The following SLC9B2 variants were observed in gnomAD, a reference collection of about 807,000 sequenced individuals.
SLC9B2 encodes the protein solute carrier family 9 member B2.
In SLC9B2, 39 loss-of-function variants were observed where a neutral mutation model predicts 52.2. That is an observed-to-expected ratio of 0.75 (90% confidence interval 0.58 to 0.98). SLC9B2 has a LOEUF of 0.98. SLC9B2 is among the 50% of genes least tolerant of loss of function. SLC9B2 has a pLI of 0.00. For synonymous variants in SLC9B2, 214 were observed against 227.0 expected (o/e 0.94, Z 0.51); for missense variants, 626 against 637.5 (o/e 0.98, Z 0.19).
downstream of SLC9B2, chr4:103,019,528 AAC>A (rs1741634529): frequency 1.0e-5 from 10 of 968,150 alleles, no homozygotes; most frequent in Non-Finnish European, 1.2e-5. Context: ...ACCGCAAGGA[AAC>A]GATCGCGGCA....
chr4:103,066,144 T>C (rs1289380345), intron 3 of SLC9B2, among the ~76,000 whole-genome samples, 183 bp downstream of exon 3: 1 of 152,214 alleles, frequency 6.6e-6, no homozygotes, highest in African/African-American at 2.4e-5. Context: ...AGTGGAGCCC[T>C]GTTAGTCTAG....
chr4:103,021,943 G>A (rs564654254), downstream of SLC9B2, among the ~76,000 whole-genome samples: 4 of 152,278 alleles, frequency 2.6e-5, no homozygotes, highest in South Asian at 8.3e-4. Flanking sequence ...TCTAGTTCAA[G>A]TATCAGTTCC....
At chr4:103,039,092 T>C (rs1479155717) in intron 9 of SLC9B2, among the ~76,000 whole-genome samples, 1 of 152,222 alleles carries the variant, frequency 6.6e-6, no homozygotes, top group Non-Finnish European at 1.5e-5. Flanking sequence ...GATTATTGTA[T>C]TCACTTTAGA....
At chr4:103,018,357 T>C (rs1383993188), downstream of SLC9B2, among the ~76,000 whole-genome samples, 1 of 152,030 alleles carries the variant, frequency 6.6e-6, no homozygotes. Flanking sequence ...ACAACAAAAC[T>C]GAACTTGTAC....
chr4:103,028,890 GA>G lies in SLC9B2; in HGVS notation c.1256-8del, dbSNP rs1177516040. ...ACGGTGGCAACACAAAGGCCTGTAA[GA>G]AATATTCAATTTTTAGAAATAATAA... is the stretch of plus-strand genomic sequence containing the variant. On this transcript the variant is annotated splice_polypyrimidine_tract_variant and splice_region_variant and intron_variant, in intron 10 of 11. Coordinates refer to ENST00000394785, the MANE Select transcript of SLC9B2 (RefSeq NM_178833.7). 18 of 1,525,174 alleles carry G rather than the reference GA, an allele frequency of 1.2e-5. No homozygotes were observed. The highest frequency in any genetic ancestry group is 1.6e-5 in the Non-Finnish European group (18 of 1,145,630). 94.5% of individuals were successfully genotyped at this position (1,525,174 alleles called of 1,614,324 possible).
downstream of SLC9B2, among the ~76,000 whole-genome samples, chr4:103,019,068 C>A (rs1243672655): frequency 6.6e-6 from 1 of 152,106 alleles, no homozygotes; most frequent in Admixed American, 6.5e-5. Context: ...AAACTGATCC[C>A]TGGTGCCAAA....
At position 103,048,905 on chromosome 4, in the gene SLC9B2, C is replaced by A. The variant is rs115828757; in HGVS notation, c.701G>T (p.Gly234Val). Residue 234 changes from glycine (G) to valine (V), a missense_variant, in exon 6 of 12, where the codon GGA (glycine) becomes GTA (valine). Physicochemically the swap from Gly to Val is moderately radical, Grantham distance 109. Coordinates refer to ENST00000394785, the MANE Select transcript of SLC9B2 (RefSeq NM_178833.7). ...HYLLGLPWQW[G>V]FILGFVLGAV... ...AAACAATCATTACCCCAGTATAAAT[C>A]CCCATTGCCATGGTAAACCCAGCAG... 116 of 1,613,634 alleles carry A rather than the reference C, an allele frequency of 7.2e-5. No homozygotes were observed. The African/African-American group carries it at 1.4e-3, about 20-fold the overall frequency.
Position 103,026,522 on chromosome 4 carries a change from T to C in SLC9B2, c.1462A>G (p.Met488Val). The change falls in exon 12 of 12, where the codon ATG becomes GTG. Residue 488 changes from methionine to valine, a missense_variant. Met to Val is a conservative substitution (Grantham distance 21). Transcript: ENST00000394785. ...HGEKQLEDYG[M>V]DVLTVAFLSI... ...AAAAATGCCACTGTCAACACATCCATTCCATAGTCTTCTAATTGTTTCTCT... is the reference window on the plus strand; with the variant it reads ...AAAAATGCCACTGTCAACACATCCACTCCATAGTCTTCTAATTGTTTCTCT... The C allele has an allele frequency of 6.2e-7, 1 of 1,613,938 alleles. No homozygotes were observed. The highest frequency in any genetic ancestry group is 8.5e-7 in the Non-Finnish European group (1 of 1,179,890).
chr4:103,021,367 A>G (rs1433788448), downstream of SLC9B2, among the ~76,000 whole-genome samples: 3 of 152,228 alleles, frequency 2.0e-5, no homozygotes, highest in Non-Finnish European at 4.4e-5. Context: ...AAATGCCATG[A>G]AGCAATTCCC....
Position 103,057,864 on chromosome 4 carries a change from T to C in SLC9B2, c.379A>G (p.Ile127Val), listed in dbSNP as rs568131137. Residue 127 changes from isoleucine to valine, a missense_variant, in exon 4 of 12, where the codon ATT becomes GTT. Physicochemically the swap from Ile to Val is conservative, Grantham distance 29. Coordinates refer to ENST00000394785, the MANE Select transcript of SLC9B2 (RefSeq NM_178833.7). ...ATAAGCCCCAAAAGTTTACCACCAATGATGGCACAATAGAATAGGATTATA... is the reference window on the plus strand; with the variant it reads ...ATAAGCCCCAAAAGTTTACCACCAACGATGGCACAATAGAATAGGATTATA... Reference protein sequence around the residue: ...GIIILFYCAIIGGKLLGLIKL... With the variant: ...GIIILFYCAIVGGKLLGLIKL... 2.5e-5 allele frequency: 40 copies of C among 1,613,782 alleles called. 2 individuals are homozygous for C. The South Asian group carries it at 4.3e-4, about 17-fold the overall frequency.
chr4:103,053,082 A>G (rs1477655535), intron 4 of SLC9B2, among the ~76,000 whole-genome samples: 1 of 152,022 alleles, frequency 6.6e-6, no homozygotes, highest in East Asian at 1.9e-4. Context: ...ACACATGGCT[A>G]ATCTCATTTC....
intron 3 of SLC9B2, among the ~76,000 whole-genome samples, chr4:103,065,138 C>G (rs1411231060): frequency 6.7e-6 from 1 of 150,370 alleles, no homozygotes; most frequent in Non-Finnish European, 1.5e-5. Context: ...TTTCTCTAGA[C>G]TTTAAATCTG....
intron 9 of SLC9B2, among the ~76,000 whole-genome samples, chr4:103,038,680 A>G (rs946006811): frequency 2.6e-5 from 4 of 152,222 alleles, no homozygotes; most frequent in Admixed American, 1.3e-4. Context: ...GAGAAAGTTA[A>G]GATAAATGGA....
chr4:103,043,548 AT>A, intron 8 of SLC9B2, 103 bp from the exon 9 acceptor site: 1 of 1,093,602 alleles, frequency 9.1e-7, no homozygotes, highest in South Asian at 1.7e-5. Flanking sequence ...AAAAATTAAA[AT>A]GTCTATATAA....
intron 5 of SLC9B2, 141 bp from the exon 6 acceptor site, chr4:103,049,161 T>A: frequency 2.1e-6 from 2 of 951,218 alleles, no homozygotes; most frequent in Non-Finnish European, 3.0e-6. Flanking sequence ...TTAACAAACA[T>A]TTTAGCACTC....
intron 9 of SLC9B2, among the ~76,000 whole-genome samples, chr4:103,040,692 C>T (rs908196313): frequency 7.2e-5 from 11 of 152,106 alleles, no homozygotes; most frequent in Non-Finnish European, 1.3e-4. Context: ...AAAGAAAAAA[C>T]ACACAAGTGT....
Position 103,022,899 on chromosome 4 carries a change from C to T in SLC9B2, c.*3471G>A, listed in dbSNP as rs562284161. ...GAAGAGACACCAGAGAGCTTGCTTGCTCTCTCTCGGCATCAAGTGATGACA... is the reference window on the plus strand; with the variant it reads ...GAAGAGACACCAGAGAGCTTGCTTGTTCTCTCTCGGCATCAAGTGATGACA... On this transcript the variant is annotated 3_prime_UTR_variant, in exon 12 of 12. Coordinates refer to ENST00000394785, the MANE Select transcript of SLC9B2 (RefSeq NM_178833.7). Among the ~76,000 whole-genome samples the T allele has an allele frequency of 4.3e-4, 65 of 152,274 alleles. No individual in the cohort carries two copies. The highest frequency in any genetic ancestry group is 1.3e-3 in the African/African-American group (54 of 41,546).
chr4:103,049,576 TAGGG>T (rs1744477575), intron 5 of SLC9B2, among the ~76,000 whole-genome samples: 1 of 152,320 alleles, frequency 6.6e-6, no homozygotes, highest in South Asian at 2.1e-4. Flanking sequence ...AACACTTGTA[TAGGG>T]CTTTGCAAAC....
At chr4:103,021,347 C>T (rs1351332744), downstream of SLC9B2, among the ~76,000 whole-genome samples, 1 of 152,070 alleles carries the variant, frequency 6.6e-6, no homozygotes, top group African/African-American at 2.4e-5. Flanking sequence ...TATAATATTA[C>T]GTACTCCCCA....
Sources: gnomAD v4.1 joint callset for allele counts (sites outside exome capture counted in the v4.1 genomes callset) on GRCh38, gnomAD v4.1.1 for gene constraint, MANE v1.5 for transcripts, NCBI Gene and HGNC (gene_info 2026-07-23, HGNC 2026-07-21) for gene names.